Variants in WDR24 observed in about 807,000 individuals in gnomAD.
WDR24 encodes GATOR2 complex protein WDR24.
A neutral mutation model predicts 66.7 loss-of-function variants in WDR24; 32 were observed. The ratio of observed to expected loss-of-function variants is 0.48; its 90% CI spans 0.36 to 0.64. The LOEUF (loss-of-function observed/expected upper bound fraction) is 0.64, where lower values mean the gene tolerates loss of function less well. Among genes scored for constraint, WDR24 ranks in the 30% least tolerant of loss-of-function variants. The probability of loss-of-function intolerance (pLI) is 0.00; values close to 1 mark genes in which losing one functional copy is unlikely to be tolerated. For missense variants in WDR24, 978 were observed against 1,144.1 expected (o/e 0.85, Z 2.09); for synonymous variants, 565 against 469.1 (o/e 1.20, Z -2.64).
At position 684,853 on chromosome 16, in the gene WDR24, C is replaced by T; in HGVS notation, c.2254G>A (p.Gly752Ser). 1 of 1,551,772 alleles carries T rather than the reference C, an allele frequency of 6.4e-7. No homozygotes were observed. The highest frequency in any genetic ancestry group is 8.7e-7 in the Non-Finnish European group (1 of 1,148,416). Reference sequence around the variant, plus strand: ...CAGCCCTGGCACCACACGAAGAGACCCTTGACTACGTGGTGGCAGACGGCA... The same window carrying T: ...CAGCCCTGGCACCACACGAAGAGACTCTTGACTACGTGGTGGCAGACGGCA... Reference protein sequence around the residue: ...MCAVCHHVVKGLFVWCQGCSH... With the variant: ...MCAVCHHVVKSLFVWCQGCSH... Residue 752 changes from glycine to serine, a missense_variant, in exon 9 of 9, where the codon GGT becomes AGT. Coordinates refer to ENST00000293883, the MANE Select transcript of WDR24 (RefSeq NM_032259.4).
Position 685,380 on chromosome 16 carries a change from G to A in WDR24, c.1896C>T (p.Phe632=), listed in dbSNP as rs983069708. The A allele has an allele frequency of 2.5e-6, 4 of 1,612,416 alleles. No homozygotes were observed. Among genetic ancestry groups the A allele is most frequent in the African/African-American group, 2.7e-5 (2 of 75,066 alleles). ...ALYDSRLPPD[F]FGVLVRDMLH... is the part of the protein sequence containing the mutation. Reference sequence around the variant, plus strand: ...GCATGTCGCGCACCAGCACGCCGAAGAAGTCGGGCGGCAGGCGGCTGTCGT... The same window carrying A: ...GCATGTCGCGCACCAGCACGCCGAAAAAGTCGGGCGGCAGGCGGCTGTCGT... The change falls in exon 7 of 9, where the codon TTC becomes TTT. Residue 632 remains phenylalanine (F), a synonymous_variant. Coordinates refer to ENST00000293883, the MANE Select transcript of WDR24 (RefSeq NM_032259.4).
rs1567292027 is a variant in WDR24, at chr16:685,243, C to T, written c.2019+14G>A. On this transcript the variant is annotated intron_variant, in intron 7 of 8. Transcript: ENST00000293883. ...GGGCGGCGCTGCAGGGGGGAGGCCCCGCCCACCACACACCTGGGTCTGCTC... is the reference window on the plus strand; with the variant it reads ...GGGCGGCGCTGCAGGGGGGAGGCCCTGCCCACCACACACCTGGGTCTGCTC... 2.5e-6 allele frequency: 4 copies of T among 1,593,468 alleles called. No individual in the cohort carries two copies. In the African/African-American group the frequency reaches 4.0e-5, roughly 16 times the overall value.
At position 685,280 on chromosome 16, in the gene WDR24, T is replaced by G. The variant is rs1488876840; in HGVS notation, c.1996A>C (p.Lys666Gln). The change falls in exon 7 of 9, where the codon AAG becomes CAG. Residue 666 changes from lysine to glutamine, a missense_variant. Lys to Gln is a moderately conservative substitution (Grantham distance 53). Around this residue, in one of 2 missense-constraint regions of WDR24, gnomAD observed 676 missense variants for 617.5 expected, o/e 1.09. Coordinates refer to ENST00000293883, the MANE Select transcript of WDR24 (RefSeq NM_032259.4). ...ACCTGGGTCTGCTCGTCGATGTCCT[T>G]GCGCACCCGTTCACCCAGGACGATG... ...VLIVLGERVR[K>Q]DIDEQTQEHW... The G allele has an allele frequency of 1.9e-6, 3 of 1,595,624 alleles. No individual in the cohort carries two copies. The highest frequency in any genetic ancestry group is 2.6e-6 in the Non-Finnish European group (3 of 1,171,320).
intron 3 of WDR24, 86 bp from the exon 4 acceptor site, chr16:686,272 C>G: frequency 2.0e-6 from 3 of 1,467,674 alleles, no homozygotes; most frequent in South Asian, 1.3e-5. Context: ...GTCACAAGCC[C>G]TCAGCATTCA....
intron 8 of WDR24, 33 bp downstream of exon 8, chr16:684,959 C>A: frequency 6.5e-7 from 1 of 1,537,446 alleles, no homozygotes; most frequent in African/African-American, 1.4e-5. Context: ...TGCCTGCAGG[C>A]CCCTGCCCCA....
chr16:688,757 C>G (rs1189734269), intron 1 of WDR24, among the ~76,000 whole-genome samples: 1 of 152,360 alleles, frequency 6.6e-6, no homozygotes, highest in African/African-American at 2.4e-5. Flanking sequence ...ACAGCAAACC[C>G]ACCTCCTCTG....
rs187796567 is a variant in WDR24, at chr16:689,598, C to T, written c.43G>A (p.Val15Met). The T allele has an allele frequency of 2.5e-6, 4 of 1,612,854 alleles. No individual in the cohort carries two copies. Among genetic ancestry groups the T allele is most frequent in the South Asian group, 1.1e-5 (1 of 91,060 alleles). The stretch of plus-strand genomic sequence containing the variant: ...CAGTGCATGGTGCGGCCTGTCAGCA[C>T]GCTGCCACCCAGGGCTGTGGTCACA... ...SRVTTALGGS[V>M]LTGRTMHCHL... The change falls in exon 1 of 9, where the codon GTG becomes ATG. Residue 15 changes from valine to methionine, a missense_variant. Val to Met is a conservative substitution (Grantham distance 21). Transcript: ENST00000293883.
chr16:688,032 G>T (rs2039930017), intron 1 of WDR24: 1 of 574,394 alleles, frequency 1.7e-6, no homozygotes, highest in Non-Finnish European at 3.3e-6. Context: ...GCAGCCTCAG[G>T]ATGCGGCAGC....
Position 690,247 on chromosome 16 carries a change from G to T in WDR24, c.-607C>A. On this transcript the variant is annotated 5_prime_UTR_variant, in exon 1 of 9. Coordinates refer to ENST00000293883, the MANE Select transcript of WDR24 (RefSeq NM_032259.4). ...GGCAGGAGAGAAGCCGGCGACCCCG[G>T]AGTACAGGGTTCCTGGGAGCGGCGC... is the stretch of plus-strand genomic sequence containing the variant. 1 of 405,098 alleles carries T rather than the reference G, an allele frequency of 2.5e-6. No individual in the cohort carries two copies. The highest frequency in any genetic ancestry group is 4.9e-6 in the Non-Finnish European group (1 of 202,790). 25.1% of individuals were successfully genotyped at this position (405,098 alleles called of 1,614,324 possible).
In WDR24 at chr16:689,981, A is replaced by G. The variant is rs765616220; in HGVS notation, c.-341T>C. On this transcript the variant is annotated 5_prime_UTR_variant, in exon 1 of 9. An upstream start codon of the reference 5' UTR is lost. Coordinates refer to ENST00000293883, the MANE Select transcript of WDR24 (RefSeq NM_032259.4). Reference sequence around the variant, plus strand: ...GCCCAGGCCACCTCTCGGTACCCCCATCAGCCAGATCTGGGCAGTCACTAA... The same window carrying G: ...GCCCAGGCCACCTCTCGGTACCCCCGTCAGCCAGATCTGGGCAGTCACTAA... 4.2e-5 allele frequency: 23 copies of G among 543,508 alleles called. No individual in the cohort carries two copies. The highest frequency in any genetic ancestry group is 8.1e-5 in the Non-Finnish European group (23 of 283,508). The allele number at this position is 543,508 out of a possible 1,614,324, so 33.7% of individuals were successfully genotyped here.
Position 685,972 on chromosome 16 carries a change from C to G in WDR24, c.1470G>C (p.Met490Ile). The change falls in exon 5 of 9, where the codon ATG becomes ATC. Residue 490 changes from methionine to isoleucine, a missense_variant. By Grantham distance (10) the Met-to-Ile change is conservative. Transcript: ENST00000293883. ...PLMNSFNLKD[M>I]APGLGSETRL... ...GCGTCTCACTGCCCAACCCTGGGGC[C>G]ATATCCTTCAGGTTGAAACTGGGGG... The G allele has an allele frequency of 6.2e-7, 1 of 1,613,122 alleles. No individual in the cohort carries two copies. Among genetic ancestry groups the G allele is most frequent in the Non-Finnish European group, 8.5e-7 (1 of 1,179,992 alleles).
chr16:689,883 G>C lies in WDR24; in HGVS notation c.-243C>G. On this transcript the variant is annotated 5_prime_UTR_variant, in exon 1 of 9. Transcript: ENST00000293883. ...CATCACCCTGGCTGAGCGGTGAGGG[G>C]ACTTCCTAGCTTCCCTTAGGCCTGT... is the stretch of plus-strand genomic sequence containing the variant. The C allele has an allele frequency of 1.4e-6, 1 of 718,424 alleles. No homozygotes were observed. The highest frequency in any genetic ancestry group is 2.5e-6 in the Non-Finnish European group (1 of 403,282). 44.5% of individuals were successfully genotyped at this position (718,424 alleles called of 1,614,324 possible). A position where few individuals can be genotyped will look rare whatever the true frequency, so the allele number is the denominator to read the frequency against.
chr16:687,641 G>A lies in WDR24; in HGVS notation c.580C>T (p.Arg194Trp). 6.2e-7 allele frequency: 1 copy of A among 1,613,488 alleles called. No individual in the cohort carries two copies. The highest frequency in any genetic ancestry group is 8.5e-7 in the Non-Finnish European group (1 of 1,180,008). ...ENGNVQLWDI[R>W]RPDRCERMFT... ...ATCCTCTCGCACCGGTCGGGACGCC[G>A]GATGTCCCAGAGCTGCACATTGCCG... Residue 194 changes from arginine to tryptophan, a missense_variant, in exon 2 of 9, where the codon CGG becomes TGG. Coordinates refer to ENST00000293883, the MANE Select transcript of WDR24 (RefSeq NM_032259.4).
chr16:685,679 G>A lies in WDR24; in HGVS notation c.1678C>T (p.Pro560Ser), dbSNP rs139256616. 1.6e-3 allele frequency: 2,644 copies of A among 1,612,918 alleles called. 5 individuals carry two copies. Among genetic ancestry groups the A allele is most frequent in the Non-Finnish European group, 2.2e-3 (2,537 of 1,179,984 alleles). ...CCACCCTGCCCGGACCCCCACTCAC[G>A]GTGCGCGTGTTCCGGATCCAGCAGG... ...LYLLDPEHAH[P>S]EDPECVLPQE... Residue 560 changes from proline to serine, a missense_variant and splice_region_variant, in exon 6 of 9, where the codon CCC becomes TCC. Physicochemically the swap from Pro to Ser is moderately conservative, Grantham distance 74 (BLOSUM62 -1). Coordinates refer to ENST00000293883, the MANE Select transcript of WDR24 (RefSeq NM_032259.4).
Position 685,545 on chromosome 16 carries a change from C to T in WDR24, c.1731G>A (p.Glu577=). The T allele has an allele frequency of 5.0e-6, 8 of 1,586,292 alleles. No individual in the cohort carries two copies. The highest frequency in any genetic ancestry group is 1.1e-5 in the South Asian group (1 of 89,102). The change falls in exon 7 of 9, where the codon GAG becomes GAA. Residue 577 remains glutamate, a synonymous_variant. Coordinates refer to ENST00000293883, the MANE Select transcript of WDR24 (RefSeq NM_032259.4). ...LPQEAFPLRH[E]IVDTPPGPEH... ...CGGGCCCGGGAGGCGTGTCCACGAT[C>T]TCGTGGCGCAGCGGAAAGGCCTCCT...
At position 689,238 on chromosome 16, in the gene WDR24, C is replaced by T. The variant is rs753877966; in HGVS notation, c.403G>A (p.Val135Met). ...CCATCCTGGGAGCCACTGAGCAGCA[C>T]GTGGGCTTCGGTGGGGTGGAAGCAG... is the stretch of plus-strand genomic sequence containing the variant. Reference protein sequence around the residue: ...KVCFHPTEAHVLLSGSQDGFM... With the variant: ...KVCFHPTEAHMLLSGSQDGFM... The change falls in exon 1 of 9, where the codon GTG (valine) becomes ATG (methionine). Residue 135 changes from valine (V) to methionine (M), a missense_variant. By Grantham distance (21) the Val-to-Met change is conservative (BLOSUM62 1). Transcript: ENST00000293883. 1.1e-5 allele frequency: 18 copies of T among 1,613,902 alleles called. No individual in the cohort carries two copies. Among genetic ancestry groups the T allele is most frequent in the Middle Eastern group, 3.3e-4 (2 of 6,084 alleles).
chr16:689,709 G>A lies in WDR24; in HGVS notation c.-69C>T, dbSNP rs1211243072. On this transcript the variant is annotated 5_prime_UTR_variant, in exon 1 of 9. Coordinates refer to ENST00000293883, the MANE Select transcript of WDR24 (RefSeq NM_032259.4). ...TGGGCTGGCCTGGTCAGCCTGGGTGGGTCATCAGTTCAGACCTTCCACCCA... is the reference window on the plus strand; with the variant it reads ...TGGGCTGGCCTGGTCAGCCTGGGTGAGTCATCAGTTCAGACCTTCCACCCA... 1.9e-6 allele frequency: 3 copies of A among 1,565,952 alleles called. No individual in the cohort carries two copies. Among genetic ancestry groups the A allele is most frequent in the Admixed American group, 1.8e-5 (1 of 55,890 alleles).
chr16:686,446 C>T (rs866064950), intron 3 of WDR24, among the ~76,000 whole-genome samples: 4 of 152,228 alleles, frequency 2.6e-5, no homozygotes, highest in East Asian at 3.9e-4. Context: ...AACGGCAGCT[C>T]ACGGCTCCAC....
rs1365422237 is a variant in WDR24 at position 684,746 on chromosome 16, G to A, written c.2361C>T (p.Cys787=). 6 of 1,597,764 alleles carry A rather than the reference G, an allele frequency of 3.8e-6. No homozygotes were observed. Among genetic ancestry groups the A allele is most frequent in the Non-Finnish European group, 5.1e-6 (6 of 1,173,642 alleles). ...SHCPAGCGHL[C]EYS is the part of the protein sequence containing the mutation. The stretch of plus-strand genomic sequence containing the variant: ...AGCAGATGCCCCGTCAGGAGTACTC[G>A]CAGAGGTGGCCGCAGCCTGCGGGAC... Residue 787 remains cysteine, a synonymous_variant, in exon 9 of 9, where the codon TGC becomes TGT. Transcript: ENST00000293883.
Sources: allele counts gnomAD v4.1 joint callset (sites outside exome capture counted in the v4.1 genomes callset), GRCh38; gene constraint gnomAD v4.1.1; regional missense constraint gnomAD v4.1.1; transcripts MANE v1.5; gene names NCBI Gene and HGNC (gene_info 2026-07-23, HGNC 2026-07-21).